PSMC1: variants seen among roughly 807,000 people sequenced by gnomAD.
PSMC1 encodes 26S proteasome regulatory subunit 4.
Under a neutral mutation model 49.8 loss-of-function variants are expected in PSMC1, and 5 were observed. The observed-to-expected ratio is 0.10, with a 90% CI of 0.05 to 0.21. The LOEUF (loss-of-function observed/expected upper bound fraction) is 0.21. Ranked by LOEUF, PSMC1 falls within the 10% of genes least tolerant of loss-of-function variation. The probability of loss-of-function intolerance (pLI) is 1.00; values close to 1 mark genes in which losing one functional copy is unlikely to be tolerated. For synonymous variants in PSMC1, 155 were observed against 192.1 expected, an observed-to-expected ratio of 0.81 and a Z score of 1.60; for missense variants, 181 against 535.7, an observed-to-expected ratio of 0.34 and a Z score of 6.54.
intron 10 of PSMC1, 68 bp downstream of exon 10, chr14:90,270,420 GC>G: frequency 6.6e-7 from 1 of 1,513,724 alleles, no homozygotes; most frequent in Non-Finnish European, 8.9e-7. Flanking sequence ...GTCTATATGT[GC>G]TCTTGGGATG....
chr14:90,268,636 G>T (rs1232478978), intron 8 of PSMC1: 7 of 495,462 alleles, frequency 1.4e-5, no homozygotes, highest in Non-Finnish European at 2.1e-5. Context: ...ACCATGTCTT[G>T]AGCACCCGCC....
At chr14:90,261,608 C>A (rs11845385) in intron 3 of PSMC1, among the ~76,000 whole-genome samples, 83,245 of 151,452 alleles carry the variant, frequency 0.55, 23,500 homozygotes, top group Middle Eastern at 0.72. Flanking sequence ...CCATCTCACA[C>A]CAGTTAGAAT....
rs552798879 is a variant in PSMC1, at chr14:90,263,459, C to T, written c.279+17C>T. 3 of 1,557,310 alleles carry T rather than the reference C, an allele frequency of 1.9e-6. No individual in the cohort carries two copies. Among genetic ancestry groups the T allele is most frequent in the South Asian group, 1.2e-5 (1 of 83,506 alleles). ...AAGCAAGAGGTAAGTTGAAAAGTTA[C>T]TATCATTTTCTTTTTTACAAATTGA... On this transcript the variant is annotated intron_variant, in intron 4 of 10. Transcript: ENST00000261303.
chr14:90,256,776 G>A (rs1595037508), intron 1 of PSMC1, among the ~76,000 whole-genome samples, 176 bp downstream of exon 1: 1 of 152,338 alleles, frequency 6.6e-6, no homozygotes, highest in East Asian at 1.9e-4. Flanking sequence ...GTCCACCGCG[G>A]GCCGGGGCCG....
intron 7 of PSMC1, 47 bp from the exon 8 acceptor site, chr14:90,268,177 G>A: frequency 6.9e-7 from 1 of 1,446,278 alleles, no homozygotes; most frequent in Non-Finnish European, 9.2e-7. Context: ...AAGTTAAAAT[G>A]GCACTTAAGG....
At chr14:90,257,071 A>G (rs969453395) in intron 1 of PSMC1, among the ~76,000 whole-genome samples, 5 of 152,174 alleles carry the variant, frequency 3.3e-5, no homozygotes, top group African/African-American at 9.7e-5. Context: ...AGCTGGGGGC[A>G]TTTGAAGGAG....
chr14:90,264,797 C>G (rs1043862239), intron 6 of PSMC1, among the ~76,000 whole-genome samples: 3 of 152,150 alleles, frequency 2.0e-5, no homozygotes, highest in Non-Finnish European at 4.4e-5. Flanking sequence ...TTAAGTCTCT[C>G]TTGCTCAAGA....
In PSMC1 at chr14:90,257,264, T is replaced by C. The variant is rs1891312871; in HGVS notation, c.3+664T>C. 3.3e-5 allele frequency among the ~76,000 whole-genome samples: 5 copies of C among 152,214 alleles called. 1 individual carries two copies. The South Asian group carries it at 1.0e-3, about 31-fold the overall frequency. ...TTCTGTTGTAGACACTGAGGATTGA[T>C]TGAAGTCCCTGCCTTCATAGTGCGT... On this transcript the variant is annotated intron_variant, in intron 1 of 10. Coordinates refer to ENST00000261303, the MANE Select transcript of PSMC1 (RefSeq NM_002802.3).
At chr14:90,259,797 T>A (rs1891362130) in intron 2 of PSMC1, among the ~76,000 whole-genome samples, 1 of 152,062 alleles carries the variant, frequency 6.6e-6, no homozygotes, top group Admixed American at 6.6e-5. Flanking sequence ...AATTTTTGTA[T>A]TTTTAGTAGA....
chr14:90,263,106 G>C (rs1891432810), intron 3 of PSMC1, among the ~76,000 whole-genome samples: 1 of 152,072 alleles, frequency 6.6e-6, no homozygotes, highest in Non-Finnish European at 1.5e-5. Context: ...CTAGCTATTT[G>C]GTCATAAACC....
At position 90,272,100 on chromosome 14, in the gene PSMC1, G is replaced by C. The variant is rs1239174503; in HGVS notation, c.1189-173G>C. 5 of 525,178 alleles carry C rather than the reference G, an allele frequency of 9.5e-6. No individual in the cohort carries two copies. The highest frequency in any genetic ancestry group is 1.7e-5 in the Non-Finnish European group (5 of 300,846). 32.5% of individuals were successfully genotyped at this position (525,178 alleles called of 1,614,324 possible). A position where few individuals can be genotyped will look rare whatever the true frequency, so the allele number is the denominator to read the frequency against. On this transcript the variant is annotated intron_variant, in intron 10 of 10. Transcript: ENST00000261303. The surrounding 1 kb of genome is among the most constrained non-coding windows in gnomAD (Gnocchi z 4.5). ...GTAGAGATGGGGTTTCACCGTGTTG[G>C]CCAGGCTGGTCTTGAACTCCTGACC...
intron 3 of PSMC1, among the ~76,000 whole-genome samples, chr14:90,261,617 A>G (rs1891399574): frequency 6.6e-6 from 1 of 152,228 alleles, no homozygotes; most frequent in African/African-American, 2.4e-5. Flanking sequence ...ACCAGTTAGA[A>G]TGGCAATTGG....
At chr14:90,270,049 T>C (rs2139651742) in intron 9 of PSMC1, 149 bp from the exon 10 acceptor site, 3 of 770,198 alleles carry the variant, frequency 3.9e-6, no homozygotes, top group Non-Finnish European at 6.1e-6. Context: ...TACAAAAATA[T>C]ATGTTTACTT....
chr14:90,257,750 G>A (rs1891323353), intron 1 of PSMC1, among the ~76,000 whole-genome samples: 1 of 152,076 alleles, frequency 6.6e-6, no homozygotes, highest in South Asian at 2.1e-4. Flanking sequence ...CCGCCACTAC[G>A]CCCGGCTAAT....
At chr14:90,265,366 C>T (rs1455444810) in intron 7 of PSMC1, among the ~76,000 whole-genome samples, 200 bp downstream of exon 7, 1 of 149,678 alleles carries the variant, frequency 6.7e-6, no homozygotes, top group Non-Finnish European at 1.5e-5. Flanking sequence ...AAAGCCTGAG[C>T]AACTTGGTGA....
chr14:90,265,016 A>T, intron 6 of PSMC1, 54 bp from the exon 7 acceptor site: 1 of 1,297,584 alleles, frequency 7.7e-7, no homozygotes. Flanking sequence ...GTTGCCAATT[A>T]GTAAATATGC....
intron 7 of PSMC1, chr14:90,267,911 G>A: frequency 3.8e-6 from 1 of 263,662 alleles, no homozygotes; most frequent in Non-Finnish European, 7.2e-6. Context: ...CTTCGTACAG[G>A]TAATTATAGT....
At chr14:90,268,075 G>GA (rs1891564170) in intron 7 of PSMC1, 149 bp from the exon 8 acceptor site, 1 of 601,168 alleles carries the variant, frequency 1.7e-6, no homozygotes, top group Non-Finnish European at 2.9e-6. Flanking sequence ...TAGGAGAATG[G>GA]AATGTCGTGA....
chr14:90,264,929 T>C lies in PSMC1; in HGVS notation c.595-141T>C, dbSNP rs1241337615. ...ATCTTCAGTATGTCTTTGCTGCTAA[T>C]AGAAATCAAGCACATTGTCTCTAAG... On this transcript the variant is annotated intron_variant, in intron 6 of 10. Coordinates refer to ENST00000261303, the MANE Select transcript of PSMC1 (RefSeq NM_002802.3). 1.4e-5 allele frequency: 10 copies of C among 695,810 alleles called. 1 individual carries two copies. Among genetic ancestry groups the C allele is most frequent in the South Asian group, 8.5e-5 (5 of 59,026 alleles). 43.1% of individuals were successfully genotyped at this position (695,810 alleles called of 1,614,324 possible).
Sources: allele counts gnomAD v4.1 joint callset (sites outside exome capture counted in the v4.1 genomes callset), GRCh38; gene constraint gnomAD v4.1.1; non-coding constraint Gnocchi (gnomAD v3.1); transcripts MANE v1.5; gene names NCBI Gene and HGNC (gene_info 2026-07-23, HGNC 2026-07-21).